The following ADAMTS15 variants were observed in gnomAD, a reference collection of about 807,000 sequenced individuals.
ADAMTS15 encodes the protein ADAM metallopeptidase with thrombospondin type 1 motif 15.
A neutral mutation model predicts 79.1 loss-of-function variants in ADAMTS15; 35 were observed. That is an observed-to-expected ratio of 0.44 (90% CI 0.34 to 0.59). The LOEUF is 0.59. Ranked by LOEUF, ADAMTS15 falls within the 20% of genes least tolerant of loss-of-function variation. The pLI is 0.02. For synonymous variants in ADAMTS15, 616 were observed against 567.3 expected (o/e 1.09, Z -1.22); for missense variants, 1,324 against 1,318.7 (o/e 1.00, Z -0.06).
chr11:130,457,027 G>A lies in ADAMTS15; in HGVS notation c.958-4462G>A, dbSNP rs549915211. Among the ~76,000 whole-genome samples, 15 of 152,190 alleles carry A rather than the reference G, an allele frequency of 9.9e-5. 2 individuals carry two copies. Among genetic ancestry groups the A allele is most frequent in the African/African-American group, 3.6e-4 (15 of 41,502 alleles). ...GTGGGTGGATCACTTGAGGCCAGGA[G>A]TTCGAGAGCAGCCTGGCCAACACGG... is the stretch of plus-strand genomic sequence containing the variant. On this transcript the variant is annotated intron_variant, in intron 1 of 7. Coordinates refer to ENST00000299164, the MANE Select transcript of ADAMTS15 (RefSeq NM_139055.4).
At chr11:130,461,976 G>T in intron 2 of ADAMTS15, 111 bp from the exon 3 acceptor site, 1 of 1,278,356 alleles carries the variant, frequency 7.8e-7, no homozygotes. Flanking sequence ...AGTTGGCAAT[G>T]ACCAGCCTGA....
rs750531823 is a variant in ADAMTS15 at position 130,462,270 on chromosome 11, G to A, written c.1258+16G>A. 32 of 1,604,616 alleles carry A rather than the reference G, an allele frequency of 2.0e-5. 1 individual carries two copies. The highest frequency in any genetic ancestry group is 1.8e-4 in the South Asian group (16 of 90,184). On this transcript the variant is annotated intron_variant, in intron 3 of 7. Coordinates refer to ENST00000299164, the MANE Select transcript of ADAMTS15 (RefSeq NM_139055.4). This position sits in a 1 kb window ranked among gnomAD's most constrained non-coding sequence, Gnocchi z 4.3. Reference sequence around the variant, plus strand: ...AGCGGGCACGGTAAGCCAGGACGGCGGGAGGGCAATGAGGCCGCCTCGGAG... The same window carrying A: ...AGCGGGCACGGTAAGCCAGGACGGCAGGAGGGCAATGAGGCCGCCTCGGAG...
chr11:130,470,972 C>T lies in ADAMTS15; in HGVS notation c.1773C>T (p.Asn591=). 3.1e-6 allele frequency: 5 copies of T among 1,613,874 alleles called. No individual in the cohort carries two copies. The highest frequency in any genetic ancestry group is 4.2e-6 in the Non-Finnish European group (5 of 1,180,038). The change falls in exon 6 of 8, where the codon AAC becomes AAT. Residue 591 remains asparagine (N), a synonymous_variant. Transcript: ENST00000299164. The stretch of plus-strand genomic sequence containing the variant: ...AGTGTGAGGCTTTCAACGGCTACAA[C>T]CACAGCACCAACCGGCTCACTCTCG... The part of the protein sequence containing the change: ...EEQCEAFNGY[N]HSTNRLTLAV...
rs753298353 is a variant in ADAMTS15, at chr11:130,449,516, C to A, written c.543C>A (p.Asn181Lys). 2 of 1,557,792 alleles carry A rather than the reference C, an allele frequency of 1.3e-6. No individual in the cohort carries two copies. The highest frequency in any genetic ancestry group is 1.8e-5 in the Admixed American group (1 of 55,726). ...GCTGCGGGGTGGCCTCGGGCTGGAA[C>A]CCCGCCATCCTACGGGCCCTGGACC... The part of the protein sequence containing the change: ...TSRCGVASGW[N>K]PAILRALDPY... The change falls in exon 1 of 8, where the codon AAC becomes AAA. Residue 181 changes from asparagine (N) to lysine (K), a missense_variant. Coordinates refer to ENST00000299164, the MANE Select transcript of ADAMTS15 (RefSeq NM_139055.4). The surrounding 1 kb of genome is among the most constrained non-coding windows in gnomAD (Gnocchi z 7.8).
Position 130,462,900 on chromosome 11 carries a change from G to A in ADAMTS15, c.1542+120G>A. 1.5e-6 allele frequency: 2 copies of A among 1,355,892 alleles called. No individual in the cohort carries two copies. The highest frequency in any genetic ancestry group is 2.0e-6 in the Non-Finnish European group (2 of 994,796). 84.0% of individuals were successfully genotyped at this position (1,355,892 alleles called of 1,614,324 possible). The stretch of plus-strand genomic sequence containing the variant: ...CTATCACAGACTGGCCACGGGACCA[G>A]CACTGTTGCATGGCTGAGCTGTGCC... On this transcript the variant is annotated intron_variant, in intron 4 of 7. Coordinates refer to ENST00000299164, the MANE Select transcript of ADAMTS15 (RefSeq NM_139055.4). This position sits in a 1 kb window ranked among gnomAD's most constrained non-coding sequence, Gnocchi z 4.3.
At chr11:130,465,798 G>T (rs1298493760) in intron 4 of ADAMTS15, among the ~76,000 whole-genome samples, 1 of 150,736 alleles carries the variant, frequency 6.6e-6, no homozygotes, top group Non-Finnish European at 1.5e-5. Flanking sequence ...TCCTCCTCAC[G>T]CTGCCCCTCC....
rs1442985227 is a variant in ADAMTS15 at position 130,475,551 on chromosome 11, A to G, written c.*1730A>G. 2 of 152,220 alleles carry G rather than the reference A, an allele frequency of 1.3e-5. No individual in the cohort carries two copies. The highest frequency in any genetic ancestry group is 2.9e-5 in the Non-Finnish European group (2 of 68,070). The allele number at this position is 152,220 out of a possible 1,614,324, so 9.4% of individuals were successfully genotyped here. A position where few individuals can be genotyped will look rare whatever the true frequency, so the allele number is the denominator to read the frequency against. The stretch of plus-strand genomic sequence containing the variant: ...TCCGTTCTTTTATGTGGGTTTCCCT[A>G]ATAGTCAGAATCCACAAACCAGCCA... On this transcript the variant is annotated 3_prime_UTR_variant, in exon 8 of 8. Coordinates refer to ENST00000299164, the MANE Select transcript of ADAMTS15 (RefSeq NM_139055.4).
rs1468378035 is a variant in ADAMTS15 at position 130,470,176 on chromosome 11, A to ATG, written c.1720+738_1720+739insGT. 1.8e-4 allele frequency among the ~76,000 whole-genome samples: 10 copies of ATG among 56,948 alleles called. 1 individual carries two copies. The highest frequency in any genetic ancestry group is 6.1e-4 in the African/African-American group (6 of 9,778). 37.4% of individuals were successfully genotyped at this position (56,948 alleles called of 152,430 possible). ...TGTGTATATATATATATATATATAT[A>ATG]TATATGTGTGTATATATATATATAT... On this transcript the variant is annotated intron_variant, in intron 5 of 7. Transcript: ENST00000299164.
rs1172809970 is a variant in ADAMTS15, at chr11:130,462,272, G to A, written c.1258+18G>A. The A allele has an allele frequency of 6.2e-7, 1 of 1,601,922 alleles. No individual in the cohort carries two copies. The highest frequency in any genetic ancestry group is 8.5e-7 in the Non-Finnish European group (1 of 1,172,280). Reference sequence around the variant, plus strand: ...CGGGCACGGTAAGCCAGGACGGCGGGAGGGCAATGAGGCCGCCTCGGAGGG... The same window carrying A: ...CGGGCACGGTAAGCCAGGACGGCGGAAGGGCAATGAGGCCGCCTCGGAGGG... On this transcript the variant is annotated intron_variant, in intron 3 of 7. Coordinates refer to ENST00000299164, the MANE Select transcript of ADAMTS15 (RefSeq NM_139055.4). This position sits in a 1 kb window ranked among gnomAD's most constrained non-coding sequence, Gnocchi z 4.3.
intron 5 of ADAMTS15, among the ~76,000 whole-genome samples, chr11:130,470,183 T>TACACAC (rs1565397829): frequency 2.5e-4 from 10 of 39,846 alleles, no homozygotes; most frequent in Admixed American, 1.1e-3. Context: ...TATATATATG[T>TACACAC]GTGTATATAT....
At position 130,473,424 on chromosome 11, in the gene ADAMTS15, C is replaced by T; in HGVS notation, c.2456C>T (p.Ser819Phe). Residue 819 changes from serine to phenylalanine, a missense_variant, in exon 8 of 8, where the codon TCT becomes TTT. Ser to Phe is a radical substitution (Grantham distance 155, BLOSUM62 -2). Transcript: ENST00000299164. Reference sequence around the variant, plus strand: ...CATCCCAAGGACCCCCGGGGACCCTCTGTCTTGCACAACAGCGTCCTCAGC... The same window carrying T: ...CATCCCAAGGACCCCCGGGGACCCTTTGTCTTGCACAACAGCGTCCTCAGC... Reference protein sequence around the residue: ...SSHPKDPRGPSVLHNSVLSLS... With the variant: ...SSHPKDPRGPFVLHNSVLSLS... 1 of 1,612,814 alleles carries T rather than the reference C, an allele frequency of 6.2e-7. No homozygotes were observed. Among genetic ancestry groups the T allele is most frequent in the Non-Finnish European group, 8.5e-7 (1 of 1,179,990 alleles).
intron 4 of ADAMTS15, among the ~76,000 whole-genome samples, chr11:130,465,832 C>T (rs978522582): frequency 2.6e-5 from 4 of 151,698 alleles, no homozygotes; most frequent in Non-Finnish European, 4.4e-5. Flanking sequence ...TTTACTGCTT[C>T]TTCCTTGTAC....
In ADAMTS15 at chr11:130,448,731, C is replaced by T. The variant is rs1451053642; in HGVS notation, c.-243C>T. Reference sequence around the variant, plus strand: ...AAATCTTCGTCCTTGCACTTGACAGCGATTGTACTTAAGCTCCCAGGGCGC... The same window carrying T: ...AAATCTTCGTCCTTGCACTTGACAGTGATTGTACTTAAGCTCCCAGGGCGC... On this transcript the variant is annotated 5_prime_UTR_variant, in exon 1 of 8. Coordinates refer to ENST00000299164, the MANE Select transcript of ADAMTS15 (RefSeq NM_139055.4). Among the ~76,000 whole-genome samples, 1 of 152,242 alleles carries T rather than the reference C, an allele frequency of 6.6e-6. No homozygotes were observed. The highest frequency in any genetic ancestry group is 2.4e-5 in the African/African-American group (1 of 41,470).
In ADAMTS15 at chr11:130,473,768, A is replaced by G. The variant is rs1938517913; in HGVS notation, c.2800A>G (p.Asn934Asp). The change falls in exon 8 of 8, where the codon AAC becomes GAC. Residue 934 changes from asparagine to aspartate, a missense_variant. Physicochemically the swap from Asn to Asp is conservative, Grantham distance 23. Coordinates refer to ENST00000299164, the MANE Select transcript of ADAMTS15 (RefSeq NM_139055.4). ...CCGGCTGCTGGCCCGGGACCAGTGC[A>G]ACTTGCACCGCAAGCCCCAGGAGCT... is the stretch of plus-strand genomic sequence containing the variant. ...GGRLLARDQC[N>D]LHRKPQELDF... The G allele has an allele frequency of 6.3e-7, 1 of 1,599,156 alleles. No individual in the cohort carries two copies. Among genetic ancestry groups the G allele is most frequent in the Non-Finnish European group, 8.5e-7 (1 of 1,179,822 alleles).
intron 5 of ADAMTS15, among the ~76,000 whole-genome samples, chr11:130,470,209 T>TACAC (rs1491377478): frequency 6.7e-5 from 4 of 60,106 alleles, no homozygotes; most frequent in African/African-American, 3.8e-4. Flanking sequence ...TATATATATA[T>TACAC]GTATATATAT....
chr11:130,471,094 C>T lies in ADAMTS15; in HGVS notation c.1895C>T (p.Ala632Val), dbSNP rs778530267. The change falls in exon 6 of 8, where the codon GCA becomes GTA. Residue 632 changes from alanine (A) to valine (V), a missense_variant. Coordinates refer to ENST00000299164, the MANE Select transcript of ADAMTS15 (RefSeq NM_139055.4). ...ANGTGYFYVLAPKVVDGTLCS... is the reference protein window; with the variant it reads ...ANGTGYFYVLVPKVVDGTLCS... ...GGCACTGGCTACTTCTATGTGCTGG[C>T]ACCCAAGGTGAGTGAGCCTGGGGCC... 1.2e-6 allele frequency: 2 copies of T among 1,612,692 alleles called. No individual in the cohort carries two copies. The highest frequency in any genetic ancestry group is 1.7e-6 in the Non-Finnish European group (2 of 1,179,298).
rs750233250 is a variant in ADAMTS15 at position 130,469,430 on chromosome 11, C to G, written c.1711C>G (p.Pro571Ala). The G allele has an allele frequency of 7.5e-7, 1 of 1,340,452 alleles. No individual in the cohort carries two copies. Among genetic ancestry groups the G allele is most frequent in the South Asian group, 2.5e-5 (1 of 40,176 alleles). 83.0% of individuals were successfully genotyped at this position (1,340,452 alleles called of 1,614,324 possible). A position where few individuals can be genotyped will look rare whatever the true frequency, so the allele number is the denominator to read the frequency against. ...CCGATCCTGCAATCTGGAGCCCTGC[C>G]CCAGCTCAGGTGAGGTGGGGAGAGC... ...KYRSCNLEPC[P>A]SSASGKSFRE... Residue 571 changes from proline to alanine, a missense_variant, in exon 5 of 8, where the codon CCC becomes GCC. Physicochemically the swap from Pro to Ala is conservative, Grantham distance 27. Coordinates refer to ENST00000299164, the MANE Select transcript of ADAMTS15 (RefSeq NM_139055.4).
At chr11:130,470,190 A>G (rs1223065925) in intron 5 of ADAMTS15, among the ~76,000 whole-genome samples, 3 of 60,012 alleles carry the variant, frequency 5.0e-5, no homozygotes, top group African/African-American at 9.3e-5. Flanking sequence ...ATGTGTGTAT[A>G]TATATATATA....
intron 5 of ADAMTS15, among the ~76,000 whole-genome samples, chr11:130,470,142 A>G (rs1055426386): frequency 7.9e-5 from 5 of 63,434 alleles, no homozygotes; most frequent in East Asian, 6.8e-4. Flanking sequence ...ACATATATAT[A>G]TATATATATG....
Sources: gnomAD v4.1 joint callset for allele counts (sites outside exome capture counted in the v4.1 genomes callset) on GRCh38, gnomAD v4.1.1 for gene constraint, Gnocchi (gnomAD v3.1) non-coding constraint, MANE v1.5 for transcripts, NCBI Gene and HGNC (gene_info 2026-07-23, HGNC 2026-07-21) for gene names.